MLPH: variants seen among roughly 807,000 people sequenced by gnomAD.
The protein encoded by MLPH is melanophilin.
A neutral mutation model predicts 72.1 loss-of-function variants in MLPH; 51 were observed. That is an observed-to-expected ratio of 0.71 (90% CI 0.56 to 0.89). The LOEUF (loss-of-function observed/expected upper bound fraction) is 0.89, where lower values mean the gene tolerates loss of function less well. Among genes scored for constraint, MLPH ranks in the 40% least tolerant of loss-of-function variants. MLPH has a pLI of 0.00. For synonymous variants in MLPH, 301 were observed against 310.1 expected (o/e 0.97, Z 0.31); for missense variants, 743 against 759.9 (o/e 0.98, Z 0.26).
At position 237,540,548 on chromosome 2, in the gene MLPH, C is replaced by T. The variant is rs753346571; in HGVS notation, c.1290+15C>T. On this transcript the variant is annotated intron_variant, in intron 10 of 15. Coordinates refer to ENST00000264605, the MANE Select transcript of MLPH (RefSeq NM_024101.7). ...CGGACCCGGAGGTAAGACTATCCCCCAGAGGTCTCAGCAGGACCCTGCAGA... is the reference window on the plus strand; with the variant it reads ...CGGACCCGGAGGTAAGACTATCCCCTAGAGGTCTCAGCAGGACCCTGCAGA... 2.5e-6 allele frequency: 4 copies of T among 1,606,010 alleles called. No homozygotes were observed. The highest frequency in any genetic ancestry group is 1.3e-5 in the African/African-American group (1 of 74,724).
rs2079463885 is a variant in MLPH at position 237,493,256 on chromosome 2, C to A, written c.-24-147C>A. On this transcript the variant is annotated intron_variant, in intron 1 of 15. Coordinates refer to ENST00000264605, the MANE Select transcript of MLPH (RefSeq NM_024101.7). Reference sequence around the variant, plus strand: ...TAAATTCATTAAACTACACAAGTTTCCAGACAAGCATTAGAAAACCATTTA... The same window carrying A: ...TAAATTCATTAAACTACACAAGTTTACAGACAAGCATTAGAAAACCATTTA... 2.9e-5 allele frequency: 18 copies of A among 623,296 alleles called. 1 individual carries two copies. In the South Asian group the frequency reaches 3.1e-4, roughly 11 times the overall value. 38.6% of individuals were successfully genotyped at this position (623,296 alleles called of 1,614,324 possible).
intron 15 of MLPH, 69 bp downstream of exon 15, chr2:237,552,506 T>C (rs1327341860): frequency 7.4e-7 from 1 of 1,352,220 alleles, no homozygotes; most frequent in East Asian, 2.3e-5. Flanking sequence ...TGTATTAAAA[T>C]TAAGTCTTCA....
At chr2:237,552,104 G>T in intron 14 of MLPH, 1 of 509,160 alleles carries the variant, frequency 2.0e-6, no homozygotes, top group South Asian at 2.1e-5. Flanking sequence ...GCCACAGTGA[G>T]GAAGAATGTT....
chr2:237,540,128 G>A (rs2080638055), intron 9 of MLPH, among the ~76,000 whole-genome samples: 1 of 152,240 alleles, frequency 6.6e-6, no homozygotes, highest in Admixed American at 6.5e-5. Context: ...GTGGTGGTCA[G>A]CTTTCCCTGG....
At chr2:237,500,281 C>G (rs188266256) in intron 2 of MLPH, among the ~76,000 whole-genome samples, 5 of 152,238 alleles carry the variant, frequency 3.3e-5, no homozygotes, top group Admixed American at 3.3e-4. Context: ...GTGACCTTGT[C>G]CAGCCCCAAG....
At chr2:237,549,660 C>T (rs7591977) in intron 14 of MLPH, among the ~76,000 whole-genome samples, 24,055 of 152,124 alleles carry the variant, frequency 0.16, 2,855 homozygotes, top group African/African-American at 0.34. Context: ...CCTGGACGAA[C>T]GGGATGTGAG....
chr2:237,518,694 C>G (rs1199660779), intron 5 of MLPH, 46 bp downstream of exon 5: 1 of 1,467,986 alleles, frequency 6.8e-7, no homozygotes, highest in Admixed American at 1.8e-5. Context: ...TCGATTCCAT[C>G]CCGCAGCTGG....
At chr2:237,537,001 C>T (rs1437643664) in intron 9 of MLPH, among the ~76,000 whole-genome samples, 1 of 152,212 alleles carries the variant, frequency 6.6e-6, no homozygotes, top group African/African-American at 2.4e-5. Flanking sequence ...ACACTCCCCG[C>T]GAGGGGACAC....
Position 237,510,776 on chromosome 2 carries a change from G to T in MLPH, c.313G>T (p.Asp105Tyr). 2 of 1,613,504 alleles carry T rather than the reference G, an allele frequency of 1.2e-6. No homozygotes were observed. The highest frequency in any genetic ancestry group is 1.7e-6 in the Non-Finnish European group (2 of 1,180,042). Residue 105 changes from aspartate (D) to tyrosine (Y), a missense_variant, in exon 3 of 16, where the codon GAC (aspartate) becomes TAC (tyrosine). Transcript: ENST00000264605. The surrounding 1 kb of genome is among the most constrained non-coding windows in gnomAD (Gnocchi z 4.4). Reference sequence around the variant, plus strand: ...CCCGGAGGAGCAGGGCTGGATCTGTGACCCCTGCCATCTGGCCAGGTGAGC... The same window carrying T: ...CCCGGAGGAGCAGGGCTGGATCTGTTACCCCTGCCATCTGGCCAGGTGAGC... ...VHPEEQGWIC[D>Y]PCHLARVVKI...
chr2:237,520,594 C>A (rs996085205), intron 6 of MLPH, among the ~76,000 whole-genome samples: 1 of 152,202 alleles, frequency 6.6e-6, no homozygotes, highest in African/African-American at 2.4e-5. Context: ...CCTGGAACCT[C>A]TTCAAGGGCT....
At chr2:237,546,412 A>T (rs2080919022) in intron 12 of MLPH, 194 bp from the exon 13 acceptor site, 1 of 620,210 alleles carries the variant, frequency 1.6e-6, no homozygotes, top group Non-Finnish European at 2.9e-6. Flanking sequence ...GGTATCCTGT[A>T]TTTTCATTTG....
At chr2:237,534,964 C>T (rs1338396376) in intron 9 of MLPH, among the ~76,000 whole-genome samples, 4 of 152,172 alleles carry the variant, frequency 2.6e-5, no homozygotes, top group African/African-American at 7.2e-5. Context: ...GCCCTACAGC[C>T]TCTGAAGTCT....
chr2:237,511,274 T>A, intron 4 of MLPH, 173 bp downstream of exon 4: 1 of 591,274 alleles, frequency 1.7e-6, no homozygotes, highest in Non-Finnish European at 3.0e-6. Flanking sequence ...CTGCTTTTTT[T>A]TTTTTTTTTT....
chr2:237,524,290 C>A (rs972001281), intron 6 of MLPH, among the ~76,000 whole-genome samples: 5 of 126,056 alleles, frequency 4.0e-5, no homozygotes, highest in Admixed American at 7.3e-5. Context: ...CTTAGAGGGA[C>A]AGAACTAATA....
chr2:237,546,504 T>G, intron 12 of MLPH, 102 bp from the exon 13 acceptor site: 1 of 1,003,536 alleles, frequency 1.0e-6, no homozygotes, highest in East Asian at 2.5e-5. Context: ...CAACCCAGCA[T>G]GTATAGAGAG....
intron 2 of MLPH, among the ~76,000 whole-genome samples, chr2:237,503,310 G>A (rs2079692814): frequency 6.6e-6 from 1 of 152,142 alleles, no homozygotes. Flanking sequence ...TGTTTTAGGA[G>A]ATACTCTGAG....
intron 4 of MLPH, chr2:237,518,131 GAT>G (rs2080091839): frequency 3.0e-6 from 1 of 331,784 alleles, no homozygotes; most frequent in Admixed American, 4.3e-5. Flanking sequence ...TGGAGGGATG[GAT>G]GGATGGATGG....
chr2:237,526,401 G>A (rs2080305500), intron 7 of MLPH, among the ~76,000 whole-genome samples: 1 of 152,134 alleles, frequency 6.6e-6, no homozygotes, highest in Non-Finnish European at 1.5e-5. Context: ...ACAGCAAGTG[G>A]CTGCGTGCGG....
Position 237,541,018 on chromosome 2 carries a change from G to A in MLPH, c.1446+61G>A. ...CAAACACAGATGGTGACCACACCCA[G>A]GCCTTGAACATCTGCCAGCTCTAAC... On this transcript the variant is annotated intron_variant, in intron 11 of 15. Coordinates refer to ENST00000264605, the MANE Select transcript of MLPH (RefSeq NM_024101.7). The surrounding 1 kb of genome is among the most constrained non-coding windows in gnomAD (Gnocchi z 5.1). 6.5e-7 allele frequency: 1 copy of A among 1,548,484 alleles called. No homozygotes were observed. The highest frequency in any genetic ancestry group is 1.4e-5 in the African/African-American group (1 of 73,722).
Sources: gnomAD v4.1 joint callset for allele counts (sites outside exome capture counted in the v4.1 genomes callset) on GRCh38, gnomAD v4.1.1 for gene constraint, Gnocchi (gnomAD v3.1) non-coding constraint, MANE v1.5 for transcripts, NCBI Gene and HGNC (gene_info 2026-07-23, HGNC 2026-07-21) for gene names.